Variants in CPED1 observed in about 807,000 individuals in gnomAD.
The protein encoded by CPED1 is cadherin like and PC-esterase domain containing 1, also known as cadherin-like and PC-esterase domain-containing protein 1.
In CPED1, 114 loss-of-function variants were observed where a neutral mutation model predicts 128.2. That is an observed-to-expected ratio of 0.89 (90% CI 0.76 to 1.04). CPED1 has a LOEUF of 1.04. Ranked by LOEUF, CPED1 falls within the 50% of genes least tolerant of loss-of-function variation. The pLI, the probability that CPED1 is intolerant of heterozygous loss-of-function variation, is 0.00. For missense variants in CPED1, 1,211 were observed against 1,207.1 expected (o/e 1.00, Z -0.05); for synonymous variants, 462 against 426.7 (o/e 1.08, Z -1.02).
At chr7:121,012,034 C>T (rs1443366366) in intron 2 of CPED1, among the ~76,000 whole-genome samples, 1 of 152,166 alleles carries the variant, frequency 6.6e-6, no homozygotes, top group Non-Finnish European at 1.5e-5. Flanking sequence ...TTCATTTACA[C>T]ATGTGAGAAA....
chr7:121,120,869 G>T (rs112105204), intron 7 of CPED1, among the ~76,000 whole-genome samples: 52 of 147,334 alleles, frequency 3.5e-4, no homozygotes, highest in African/African-American at 1.2e-3. Flanking sequence ...TGTGGTTTCT[G>T]TAATGTCATA....
At chr7:121,127,362 T>G (rs752244574) in intron 10 of CPED1, 105 bp downstream of exon 10, 2 of 701,112 alleles carry the variant, frequency 2.9e-6, no homozygotes, top group Non-Finnish European at 4.7e-6. Context: ...CACTTCAAAT[T>G]AATTGGTATC....
chr7:121,035,517 G>A (rs1419241043), intron 3 of CPED1, among the ~76,000 whole-genome samples: 2 of 152,084 alleles, frequency 1.3e-5, no homozygotes, highest in Admixed American at 6.6e-5. Context: ...TTGAGAAAGA[G>A]TGGCTATAGC....
chr7:121,089,067 A>G (rs1330854763), intron 5 of CPED1, among the ~76,000 whole-genome samples: 1 of 152,096 alleles, frequency 6.6e-6, no homozygotes, highest in Admixed American at 6.5e-5. Context: ...GTTATATGTC[A>G]CTCAGCCAAA....
intron 3 of CPED1, among the ~76,000 whole-genome samples, chr7:121,016,989 G>A (rs1036409405): frequency 1.6e-4 from 25 of 152,264 alleles, no homozygotes; most frequent in African/African-American, 5.3e-4. Flanking sequence ...TTGTGCTGGC[G>A]AATGAATGAA....
At chr7:121,219,452 A>G (rs969785797) in intron 16 of CPED1, among the ~76,000 whole-genome samples, 1 of 152,064 alleles carries the variant, frequency 6.6e-6, no homozygotes, top group Non-Finnish European at 1.5e-5. Context: ...ATATTAGCTC[A>G]GAGATTTGGA....
At chr7:121,251,945 A>C (rs13243159) in intron 18 of CPED1, among the ~76,000 whole-genome samples, 12 of 151,600 alleles carry the variant, frequency 7.9e-5, no homozygotes, top group Non-Finnish European at 1.5e-4. Context: ...ACTTTCTTCA[A>C]AGAATTGGAA....
chr7:121,197,233 A>G (rs1797292175), intron 16 of CPED1, among the ~76,000 whole-genome samples: 1 of 152,020 alleles, frequency 6.6e-6, no homozygotes, highest in African/African-American at 2.4e-5. Context: ...TCTCATTTTA[A>G]AATGTATTAC....
intron 5 of CPED1, among the ~76,000 whole-genome samples, chr7:121,081,996 G>A (rs1255848446): frequency 6.6e-6 from 1 of 152,116 alleles, no homozygotes; most frequent in Non-Finnish European, 1.5e-5. Flanking sequence ...CTATGAGAAT[G>A]TATGTATGTA....
intron 4 of CPED1, among the ~76,000 whole-genome samples, chr7:121,060,368 G>A (rs534274145): frequency 6.6e-6 from 1 of 152,382 alleles, no homozygotes; most frequent in East Asian, 1.9e-4. Context: ...AGCCCCCGGT[G>A]CGGGATCCAC....
chr7:121,174,181 C>T lies in CPED1; in HGVS notation c.2055+32040C>T, dbSNP rs140876572. Among the ~76,000 whole-genome samples the T allele has an allele frequency of 5.9e-4, 90 of 152,136 alleles. 2 individuals are homozygous for T. In the East Asian group the frequency reaches 0.017, roughly 28 times the overall value. On this transcript the variant is annotated intron_variant, in intron 16 of 22. Transcript: ENST00000310396. ...TCCCATTCTGTGAGGTGTCTGTTTA[C>T]TCTGTTGATAGTTTTGTTTGCAGTG...
chr7:121,162,487 ATAAACT>A (rs1796433199), intron 16 of CPED1, among the ~76,000 whole-genome samples: 2 of 152,240 alleles, frequency 1.3e-5, no homozygotes, highest in African/African-American at 4.8e-5. Flanking sequence ...ACCATAAATG[ATAAACT>A]TAATGTGTGT....
At chr7:121,072,236 C>T (rs760259286) in intron 5 of CPED1, among the ~76,000 whole-genome samples, 85 of 151,684 alleles carry the variant, frequency 5.6e-4, no homozygotes, top group Non-Finnish European at 8.5e-4. Flanking sequence ...TGTTCCCTCC[C>T]CCTAGGATGC....
chr7:121,099,793 C>A, intron 6 of CPED1, 133 bp from the exon 7 acceptor site: 1 of 868,472 alleles, frequency 1.2e-6, no homozygotes, highest in Non-Finnish European at 1.7e-6. Flanking sequence ...TGAAATTGTT[C>A]AAGGAAACCC....
At chr7:121,244,930 T>C (rs1334204252) in intron 18 of CPED1, among the ~76,000 whole-genome samples, 2 of 152,238 alleles carry the variant, frequency 1.3e-5, no homozygotes, top group Admixed American at 6.5e-5. Flanking sequence ...TTGCTAGGCA[T>C]GCTCTGACTA....
intron 2 of CPED1, among the ~76,000 whole-genome samples, chr7:121,011,022 A>G (rs1352242910): frequency 1.3e-5 from 2 of 152,252 alleles, no homozygotes; most frequent in African/African-American, 2.4e-5. Flanking sequence ...AAATGAACAC[A>G]TAATTCACTA....
chr7:121,128,372 A>G lies in CPED1; in HGVS notation c.1303-10A>G, dbSNP rs745640851. On this transcript the variant is annotated splice_polypyrimidine_tract_variant and intron_variant, in intron 10 of 22. Coordinates refer to ENST00000310396, the MANE Select transcript of CPED1 (RefSeq NM_024913.5). Reference sequence around the variant, plus strand: ...ACAATTGCTTAAGTTCTTTCCCCCTACCAATACAGGGTGAAAACTATCAAA... The same window carrying G: ...ACAATTGCTTAAGTTCTTTCCCCCTGCCAATACAGGGTGAAAACTATCAAA... 6.9e-7 allele frequency: 1 copy of G among 1,439,496 alleles called. No homozygotes were observed. Among genetic ancestry groups the G allele is most frequent in the Non-Finnish European group, 9.8e-7 (1 of 1,021,772 alleles). The allele number at this position is 1,439,496 out of a possible 1,614,324, so 89.2% of individuals were successfully genotyped here. A position where few individuals can be genotyped will look rare whatever the true frequency, so the allele number is the denominator to read the frequency against.
intron 3 of CPED1, 62 bp downstream of exon 3, chr7:121,015,910 A>G: frequency 8.4e-7 from 1 of 1,193,932 alleles, no homozygotes; most frequent in Admixed American, 3.9e-5. Flanking sequence ...CAATTTCTAG[A>G]ATGTGCTACT....
intron 16 of CPED1, among the ~76,000 whole-genome samples, chr7:121,216,993 C>A (rs987342001): frequency 6.6e-6 from 1 of 151,876 alleles, no homozygotes; most frequent in Non-Finnish European, 1.5e-5. Context: ...TTATTCCTTA[C>A]TTATTATCTG....
Sources: gnomAD v4.1 joint callset for allele counts (sites outside exome capture counted in the v4.1 genomes callset) on GRCh38, gnomAD v4.1.1 for gene constraint, MANE v1.5 for transcripts, NCBI Gene and HGNC (gene_info 2026-07-23, HGNC 2026-07-21) for gene names.